FGGY: variants seen among roughly 807,000 people sequenced by gnomAD.
FGGY encodes FGGY carbohydrate kinase domain containing.
Under a neutral mutation model 71.3 loss-of-function variants are expected in FGGY, and 72 were observed. That is an observed-to-expected ratio of 1.01 (90% CI 0.84 to 1.23). The LOEUF is 1.23. FGGY is among the 50% of genes most tolerant of loss of function. FGGY has a pLI of 0.00. For missense variants in FGGY, 668 were observed against 682.3 expected, an observed-to-expected ratio of 0.98 and a Z score of 0.23; for synonymous variants, 251 against 250.3, an observed-to-expected ratio of 1.00 and a Z score of -0.02.
intron 7 of FGGY, among the ~76,000 whole-genome samples, chr1:59,536,180 A>T (rs951701468): frequency 1.3e-5 from 2 of 151,930 alleles, no homozygotes. Flanking sequence ...ACAAACTACC[A>T]TCAGAGAATA....
chr1:59,629,880 G>A (rs937886486), intron 10 of FGGY, among the ~76,000 whole-genome samples: 3 of 152,220 alleles, frequency 2.0e-5, no homozygotes, highest in East Asian at 1.9e-4. Flanking sequence ...TATATTTGAC[G>A]GGGCCTTGTA....
At chr1:59,590,247 G>C (rs1487002211) in intron 8 of FGGY, among the ~76,000 whole-genome samples, 1 of 152,110 alleles carries the variant, frequency 6.6e-6, no homozygotes, top group Non-Finnish European at 1.5e-5. Flanking sequence ...AGAAGAAGTT[G>C]AATCTCTGAA....
intron 6 of FGGY, among the ~76,000 whole-genome samples, chr1:59,483,601 G>A (rs1436231758): frequency 1.3e-5 from 2 of 152,024 alleles, no homozygotes; most frequent in African/African-American, 2.4e-5. Flanking sequence ...GCTTTTTGAG[G>A]TATTTCTTTA....
intron 14 of FGGY, among the ~76,000 whole-genome samples, chr1:59,724,092 G>A (rs2097919707): frequency 6.6e-6 from 1 of 151,702 alleles, no homozygotes; most frequent in African/African-American, 2.4e-5. Context: ...GAACTTGGGT[G>A]GTGGAGTTTG....
chr1:59,318,352 CT>C (rs1222742233), intron 1 of FGGY, among the ~76,000 whole-genome samples: 1 of 152,200 alleles, frequency 6.6e-6, no homozygotes, highest in East Asian at 1.9e-4. Context: ...ACTTACTGAG[CT>C]CCTGCTGTAT....
intron 5 of FGGY, among the ~76,000 whole-genome samples, chr1:59,450,174 T>C (rs2072366209): frequency 6.6e-6 from 1 of 152,204 alleles, no homozygotes; most frequent in Non-Finnish European, 1.5e-5. Context: ...TATTTGTTAG[T>C]ATTCCATTTT....
intron 14 of FGGY, among the ~76,000 whole-genome samples, chr1:59,722,241 C>T (rs2097903647): frequency 6.6e-6 from 1 of 151,710 alleles, no homozygotes; most frequent in South Asian, 2.1e-4. Flanking sequence ...CCATTCTCAT[C>T]ATATCATATC....
chr1:59,727,107 T>C (rs2097956740), intron 14 of FGGY, among the ~76,000 whole-genome samples: 1 of 152,150 alleles, frequency 6.6e-6, no homozygotes, highest in South Asian at 2.1e-4. Context: ...GTCTGCTCAG[T>C]GTTTAGTTCC....
chr1:59,570,379 T>A (rs2095963260), intron 8 of FGGY, among the ~76,000 whole-genome samples: 1 of 152,184 alleles, frequency 6.6e-6, no homozygotes, highest in South Asian at 2.1e-4. Context: ...AAAATTAATG[T>A]AAAATGAAGG....
At chr1:59,496,695 AT>A (rs1398234806) in intron 6 of FGGY, among the ~76,000 whole-genome samples, 1 of 152,018 alleles carries the variant, frequency 6.6e-6, no homozygotes, top group Non-Finnish European at 1.5e-5. Flanking sequence ...TTAAAAAAAA[AT>A]AAAATAGATG....
Position 59,651,881 on chromosome 1 carries a change from C to T in FGGY, c.1222-8338C>T, listed in dbSNP as rs573319645. ...TTTACATTTTGACATGATTTTGCAGCGGCTGGTACCGATTGTTCCTTTCCA... is the reference window on the plus strand; with the variant it reads ...TTTACATTTTGACATGATTTTGCAGTGGCTGGTACCGATTGTTCCTTTCCA... On this transcript the variant is annotated intron_variant, in intron 11 of 15. Coordinates refer to ENST00000303721, the MANE Select transcript of FGGY (RefSeq NM_018291.5). Among the ~76,000 whole-genome samples, 37 of 151,954 alleles carry T rather than the reference C, an allele frequency of 2.4e-4. 1 individual carries two copies. Among genetic ancestry groups the T allele is most frequent in the African/African-American group, 8.0e-4 (33 of 41,432 alleles).
chr1:59,557,852 T>TG (rs1428475395), intron 8 of FGGY, among the ~76,000 whole-genome samples: 2 of 151,876 alleles, frequency 1.3e-5, no homozygotes. Flanking sequence ...GACAGGACCC[T>TG]GGGGGGGTCG....
chr1:59,385,483 G>A (rs11582929), intron 5 of FGGY, among the ~76,000 whole-genome samples: 29,343 of 152,066 alleles, frequency 0.19, 3,078 homozygotes, highest in East Asian at 0.36. Flanking sequence ...TGTCATTACC[G>A]CTTTGCAATT....
intron 8 of FGGY, among the ~76,000 whole-genome samples, chr1:59,586,650 A>C (rs2096293890): frequency 6.6e-6 from 1 of 152,226 alleles, no homozygotes; most frequent in Non-Finnish European, 1.5e-5. Flanking sequence ...TAAAACTTAA[A>C]GTATAATAAT....
At chr1:59,536,138 A>G (rs1473851215) in intron 7 of FGGY, among the ~76,000 whole-genome samples, 1 of 151,922 alleles carries the variant, frequency 6.6e-6, no homozygotes, top group Non-Finnish European at 1.5e-5. Context: ...AAAAAATGAT[A>G]AAGGGGATAT....
chr1:59,446,386 A>G (rs989838607), intron 5 of FGGY, among the ~76,000 whole-genome samples: 2 of 152,144 alleles, frequency 1.3e-5, no homozygotes, highest in African/African-American at 4.8e-5. Flanking sequence ...CGAAAAAGCA[A>G]TTTAATATTG....
chr1:59,378,456 A>G (rs567802546), intron 4 of FGGY, among the ~76,000 whole-genome samples: 31 of 152,248 alleles, frequency 2.0e-4, no homozygotes, highest in African/African-American at 7.0e-4. Flanking sequence ...AGTCTCGGGT[A>G]TGTCTTTATC....
chr1:59,586,327 G>T (rs1448786265), intron 8 of FGGY, among the ~76,000 whole-genome samples: 3 of 152,166 alleles, frequency 2.0e-5, no homozygotes, highest in Non-Finnish European at 2.9e-5. Flanking sequence ...ATACTATGCA[G>T]CCATAAAAAA....
chr1:59,586,958 AG>A (rs1320769269), intron 8 of FGGY, among the ~76,000 whole-genome samples: 2 of 152,206 alleles, frequency 1.3e-5, no homozygotes, highest in African/African-American at 4.8e-5. Context: ...CAGTGGGTGC[AG>A]CGCACCGTGC....
Sources: allele counts gnomAD v4.1 joint callset (sites outside exome capture counted in the v4.1 genomes callset), GRCh38; gene constraint gnomAD v4.1.1; transcripts MANE v1.5; gene names NCBI Gene and HGNC (gene_info 2026-07-23, HGNC 2026-07-21).